Variants in PREX2 observed in about 807,000 individuals in gnomAD.
PREX2 encodes the protein phosphatidylinositol-3,4,5-trisphosphate dependent Rac exchange factor 2, also known as phosphatidylinositol 3,4,5-trisphosphate-dependent Rac exchanger 2 protein.
PREX2 carries 107 observed loss-of-function variants against 203.2 expected under a neutral mutation model. The ratio of observed to expected loss-of-function variants is 0.53; its 90% CI spans 0.45 to 0.62. PREX2 has a LOEUF of 0.62. Ranked by LOEUF, PREX2 falls within the 20% of genes least tolerant of loss-of-function variation. The pLI is 0.00. For missense variants in PREX2, 1,777 were observed against 1,955.9 expected (o/e 0.91, Z 1.72); for synonymous variants, 672 against 663.6 (o/e 1.01, Z -0.19).
chr8:68,105,739 A>G (rs1810392280), intron 23 of PREX2: 2 of 171,314 alleles, frequency 1.2e-5, no homozygotes, highest in Non-Finnish European at 2.3e-5. Context: ...ACATATATAT[A>G]TATATACATA....
chr8:68,009,966 A>T (rs138818576), intron 1 of PREX2, among the ~76,000 whole-genome samples: 49 of 152,290 alleles, frequency 3.2e-4, no homozygotes, highest in African/African-American at 1.1e-3. Context: ...ATCTTGTGAC[A>T]TCTCATTGAA....
chr8:68,062,287 G>A (rs1441451135), intron 11 of PREX2, among the ~76,000 whole-genome samples: 3 of 151,998 alleles, frequency 2.0e-5, no homozygotes, highest in African/African-American at 4.8e-5. Context: ...TACACTCTCC[G>A]GGTCACAGCT....
At chr8:67,997,537 A>G (rs1012280319) in intron 1 of PREX2, among the ~76,000 whole-genome samples, 8 of 152,222 alleles carry the variant, frequency 5.3e-5, no homozygotes, top group African/African-American at 1.9e-4. Context: ...TCTTGAAATC[A>G]GGGAATATAA....
Position 68,197,226 on chromosome 8 carries a change from C to T in PREX2, c.4604+4701C>T, listed in dbSNP as rs1166016410. ...GCTCTGAGTCCCCACCCAAATCTCA[C>T]CTCAAATTATAATCCCCATAAACCC... is the stretch of plus-strand genomic sequence containing the variant. On this transcript the variant is annotated intron_variant, in intron 37 of 39. Coordinates refer to ENST00000288368, the MANE Select transcript of PREX2 (RefSeq NM_024870.4). Among the ~76,000 whole-genome samples the T allele has an allele frequency of 2.0e-5, 3 of 152,034 alleles. No individual in the cohort carries two copies. In the East Asian group the frequency reaches 5.8e-4, roughly 29 times the overall value.
Position 68,120,921 on chromosome 8 carries a change from A to G in PREX2, c.3596A>G (p.Glu1199Gly). The change falls in exon 30 of 40, where the codon GAA (glutamate) becomes GGA (glycine). Residue 1199 changes from glutamate (E) to glycine (G), a missense_variant and splice_region_variant. Transcript: ENST00000288368. ...AGAGAGATTTTCTGTGTTTATTTAGAATTTCAACAGGAAATGGAACCAAAG... is the reference window on the plus strand; with the variant it reads ...AGAGAGATTTTCTGTGTTTATTTAGGATTTCAACAGGAAATGGAACCAAAG... ...KYLTPGRGLQ[E>G]FQQEMEPKLS... 8.1e-6 allele frequency: 13 copies of G among 1,611,698 alleles called. No homozygotes were observed. The highest frequency in any genetic ancestry group is 1.0e-5 in the Non-Finnish European group (12 of 1,178,994).
intron 8 of PREX2, among the ~76,000 whole-genome samples, chr8:68,048,347 A>T (rs915559937): frequency 6.6e-6 from 1 of 152,080 alleles, no homozygotes; most frequent in African/African-American, 2.4e-5. Flanking sequence ...ATTCTCTCTT[A>T]TGCACTAGTT....
At chr8:68,059,956 T>TA (rs1372663288) in intron 10 of PREX2, among the ~76,000 whole-genome samples, 1 of 152,216 alleles carries the variant, frequency 6.6e-6, no homozygotes, top group Non-Finnish European at 1.5e-5. Flanking sequence ...GTCATGCCAC[T>TA]AGCCTGAGAA....
At chr8:68,159,239 A>G (rs926081968) in intron 35 of PREX2, among the ~76,000 whole-genome samples, 6 of 152,220 alleles carry the variant, frequency 3.9e-5, no homozygotes, top group African/African-American at 7.2e-5. Context: ...CCGGCATACT[A>G]TAGTTTTTTT....
intron 37 of PREX2, among the ~76,000 whole-genome samples, chr8:68,204,611 T>C (rs1157939749): frequency 6.6e-6 from 1 of 152,004 alleles, no homozygotes; most frequent in African/African-American, 2.4e-5. Context: ...TTCTGTTCAG[T>C]TGTTTTCCAC....
intron 30 of PREX2, among the ~76,000 whole-genome samples, chr8:68,121,595 T>C (rs970713946): frequency 5.9e-5 from 9 of 152,170 alleles, no homozygotes; most frequent in South Asian, 2.1e-4. Flanking sequence ...GACGACTTCA[T>C]TGAGATAGAT....
intron 35 of PREX2, among the ~76,000 whole-genome samples, chr8:68,163,707 C>A (rs1811697064): frequency 6.6e-6 from 1 of 152,112 alleles, no homozygotes; most frequent in South Asian, 2.1e-4. Flanking sequence ...GGATTCTCCC[C>A]TCACAAAGAA....
intron 29 of PREX2, 58 bp from the exon 30 acceptor site, chr8:68,120,863 A>G: frequency 2.0e-6 from 3 of 1,515,678 alleles, no homozygotes; most frequent in Non-Finnish European, 2.7e-6. Flanking sequence ...TGAAGCCTAA[A>G]GGCTTCATTG....
chr8:68,088,838 T>C (rs575140216), intron 19 of PREX2, among the ~76,000 whole-genome samples: 4 of 152,292 alleles, frequency 2.6e-5, no homozygotes, highest in African/African-American at 4.8e-5. Context: ...TGCTATAAAA[T>C]AGCTTAAAGC....
intron 37 of PREX2, among the ~76,000 whole-genome samples, chr8:68,216,111 A>G (rs2030742): frequency 0.44 from 66,746 of 152,164 alleles, 16,449 homozygotes; most frequent in African/African-American, 0.66. Context: ...ATGCAGTTAT[A>G]TGTAATCACA....
chr8:68,029,359 T>A (rs1038291022), intron 5 of PREX2, among the ~76,000 whole-genome samples: 19 of 152,094 alleles, frequency 1.2e-4, no homozygotes, highest in Non-Finnish European at 2.6e-4. Flanking sequence ...GAGGCACCTG[T>A]GGTGCCTCTA....
In PREX2 at chr8:68,138,551, C is replaced by T. The variant is rs781593812; in HGVS notation, c.4087+34C>T. 4.8e-6 allele frequency: 5 copies of T among 1,041,692 alleles called. No individual in the cohort carries two copies. In the Admixed American group the frequency reaches 8.0e-5, roughly 17 times the overall value. The allele number at this position is 1,041,692 out of a possible 1,614,324, so 64.5% of individuals were successfully genotyped here. ...TTAGGTATTTACAAAATTTATTTGG[C>T]ATCAAATAATTATATATGATATAAC... On this transcript the variant is annotated intron_variant, in intron 33 of 39. Transcript: ENST00000288368.
At chr8:68,062,326 T>C (rs1034216410) in intron 11 of PREX2, among the ~76,000 whole-genome samples, 5 of 152,202 alleles carry the variant, frequency 3.3e-5, no homozygotes, top group African/African-American at 1.2e-4. Flanking sequence ...GGGGATATGA[T>C]CAAAGCATCC....
At chr8:68,123,833 T>C (rs1810833868) in intron 30 of PREX2, among the ~76,000 whole-genome samples, 3 of 151,656 alleles carry the variant, frequency 2.0e-5, no homozygotes, top group Admixed American at 1.3e-4. Flanking sequence ...TTCTACCAGA[T>C]GTACACAGAA....
At chr8:68,219,284 A>G (rs1812906640) in intron 38 of PREX2, among the ~76,000 whole-genome samples, 2 of 151,642 alleles carry the variant, frequency 1.3e-5, no homozygotes, top group Non-Finnish European at 2.9e-5. Flanking sequence ...TCTTAAAACT[A>G]AAAGTGGAAA....
Sources: allele counts gnomAD v4.1 joint callset (sites outside exome capture counted in the v4.1 genomes callset), GRCh38; gene constraint gnomAD v4.1.1; transcripts MANE v1.5; gene names NCBI Gene and HGNC (gene_info 2026-07-23, HGNC 2026-07-21).